The following CCDC85C variants were observed in gnomAD, a reference collection of about 807,000 sequenced individuals.
CCDC85C encodes the protein coiled-coil domain-containing protein 85C.
Under a neutral mutation model 38.3 loss-of-function variants are expected in CCDC85C, and 18 were observed. That is an observed-to-expected ratio of 0.47 (90% CI 0.33 to 0.70). The LOEUF is 0.70. Among genes scored for constraint, CCDC85C ranks in the 30% least tolerant of loss-of-function variants. The pLI is 0.03. For synonymous variants in CCDC85C, 264 were observed against 293.8 expected (o/e 0.90, Z 1.04); for missense variants, 566 against 621.2 (o/e 0.91, Z 0.94).
chr14:99,591,736 T>TTC (rs1566784767), intron 1 of CCDC85C, among the ~76,000 whole-genome samples: 1 of 142,484 alleles, frequency 7.0e-6, no homozygotes, highest in African/African-American at 2.5e-5. Flanking sequence ...TTTCTTTTCT[T>TTC]TTTTTTTTTT....
At chr14:99,561,442 T>G (rs1239211398) in intron 1 of CCDC85C, among the ~76,000 whole-genome samples, 1 of 152,122 alleles carries the variant, frequency 6.6e-6, no homozygotes, top group Non-Finnish European at 1.5e-5. Flanking sequence ...CCAGCCATCC[T>G]CCACGGCAGC....
intron 3 of CCDC85C, among the ~76,000 whole-genome samples, 161 bp downstream of exon 3, chr14:99,521,972 C>T (rs574364262): frequency 3.3e-5 from 5 of 152,364 alleles, no homozygotes; most frequent in East Asian, 3.9e-4. Flanking sequence ...CCTGGGGCTC[C>T]GCCTCTAACT....
chr14:99,583,904 G>C (rs985166181), intron 1 of CCDC85C, among the ~76,000 whole-genome samples: 2 of 151,934 alleles, frequency 1.3e-5, no homozygotes, highest in Non-Finnish European at 2.9e-5. Flanking sequence ...GTGTGTAACA[G>C]GCGGGTACAA....
chr14:99,562,577 C>T (rs1015540905), intron 1 of CCDC85C, among the ~76,000 whole-genome samples: 23 of 152,176 alleles, frequency 1.5e-4, no homozygotes, highest in African/African-American at 5.3e-4. Context: ...AGGCGATATC[C>T]GAAACCTGCC....
At position 99,533,968 on chromosome 14, in the gene CCDC85C, G is replaced by A. The variant is rs934041759; in HGVS notation, c.867+2047C>T. 6.6e-6 allele frequency among the ~76,000 whole-genome samples: 1 copy of A among 152,236 alleles called. No individual in the cohort carries two copies. Among genetic ancestry groups the A allele is most frequent in the Non-Finnish European group, 1.5e-5 (1 of 68,034 alleles). ...TTTTTCCAGTGGGACACTGTGGCCT[G>A]CAGGGGCCAAGGGATCAGGGACACT... On this transcript the variant is annotated intron_variant, in intron 2 of 5. Coordinates refer to ENST00000380243, the MANE Select transcript of CCDC85C (RefSeq NM_001144995.2). This position sits in a 1 kb window ranked among gnomAD's most constrained non-coding sequence, Gnocchi z 4.2.
In CCDC85C at chr14:99,503,993, G is replaced by A; in HGVS notation, c.*11253C>T. On this transcript the variant is annotated 3_prime_UTR_variant, in exon 6 of 6. Transcript: ENST00000380243. ...GCAGGAGTCCTCTCCCAAGCACCAAGCCACAGCAGATGCGGGGGGGCAGTA... is the reference window on the plus strand; with the variant it reads ...GCAGGAGTCCTCTCCCAAGCACCAAACCACAGCAGATGCGGGGGGGCAGTA... The A allele has an allele frequency of 5.5e-6, 2 of 361,914 alleles. No individual in the cohort carries two copies. The highest frequency in any genetic ancestry group is 4.4e-5 in the South Asian group (2 of 45,822). The allele number at this position is 361,914 out of a possible 1,614,324, so 22.4% of individuals were successfully genotyped here. A position where few individuals can be genotyped will look rare whatever the true frequency, so the allele number is the denominator to read the frequency against.
At chr14:99,585,909 G>A (rs4905860) in intron 1 of CCDC85C, among the ~76,000 whole-genome samples, 1,952 of 152,294 alleles carry the variant, frequency 0.013, 50 homozygotes, top group African/African-American at 0.044. Flanking sequence ...GACCTTAGGC[G>A]TAAAGCTAGA....
rs77590423 is a variant in CCDC85C at position 99,569,073 on chromosome 14, G to A, written c.794-32985C>T. 0.019 allele frequency among the ~76,000 whole-genome samples: 2,871 copies of A among 152,238 alleles called. 89 individuals are homozygous for A. Among genetic ancestry groups the A allele is most frequent in the African/African-American group, 0.066 (2,733 of 41,530 alleles). ...ACTGCAGACAGAGGCAGCTCAAAGA[G>A]GGGACATCAAATCCCCACTCCTGGC... On this transcript the variant is annotated intron_variant, in intron 1 of 5. Coordinates refer to ENST00000380243, the MANE Select transcript of CCDC85C (RefSeq NM_001144995.2). The surrounding 1 kb of genome is among the most constrained non-coding windows in gnomAD (Gnocchi z 4.3).
intron 1 of CCDC85C, chr14:99,573,001 T>C: frequency 2.7e-6 from 1 of 367,934 alleles, no homozygotes; most frequent in Non-Finnish European, 5.4e-6. Context: ...GGCACCCTGG[T>C]GACCGCAGGA....
At position 99,588,339 on chromosome 14, in the gene CCDC85C, G is replaced by A. The variant is rs1035429378; in HGVS notation, c.793+14828C>T. On this transcript the variant is annotated intron_variant, in intron 1 of 5. Coordinates refer to ENST00000380243, the MANE Select transcript of CCDC85C (RefSeq NM_001144995.2). The surrounding 1 kb of genome is among the most constrained non-coding windows in gnomAD (Gnocchi z 5.0). The stretch of plus-strand genomic sequence containing the variant: ...GGCTTCAGCCAGGCCGGCCAGTCCT[G>A]TGCACAAACCACCTTCTCCTCACCC... Among the ~76,000 whole-genome samples, 2 of 152,020 alleles carry A rather than the reference G, an allele frequency of 1.3e-5. No individual in the cohort carries two copies. Among genetic ancestry groups the A allele is most frequent in the South Asian group, 4.1e-4 (2 of 4,820 alleles).
In CCDC85C at chr14:99,576,683, G is replaced by A. The variant is rs908566761; in HGVS notation, c.793+26484C>T. ...TGCCCTTTCCCACCAAACTTGGTAG[G>A]ATCCGGGCTCCTGACTAGGGCTGCC... On this transcript the variant is annotated intron_variant, in intron 1 of 5. Transcript: ENST00000380243. This position sits in a 1 kb window ranked among gnomAD's most constrained non-coding sequence, Gnocchi z 4.8. 1 of 152,218 alleles carries A rather than the reference G, an allele frequency of 6.6e-6. No homozygotes were observed. The highest frequency in any genetic ancestry group is 2.4e-5 in the African/African-American group (1 of 41,448). The allele number at this position is 152,218 out of a possible 1,614,324, so 9.4% of individuals were successfully genotyped here.
At position 99,503,015 on chromosome 14, in the gene CCDC85C, G is replaced by T. The variant is rs374411620; in HGVS notation, c.*12231C>A. On this transcript the variant is annotated 3_prime_UTR_variant, in exon 6 of 6. Transcript: ENST00000380243. ...TGGGCTAAAGCAGGCCCTGGGTAGA[G>T]CAGGCTTTCCAGGTGGCGGCAACAC... is the stretch of plus-strand genomic sequence containing the variant. The T allele has an allele frequency of 1.1e-5, 18 of 1,613,000 alleles. No individual in the cohort carries two copies. Among genetic ancestry groups the T allele is most frequent in the Non-Finnish European group, 1.4e-5 (17 of 1,179,214 alleles).
Position 99,510,169 on chromosome 14 carries a change from C to A in CCDC85C, c.*5077G>T. The A allele has an allele frequency of 6.3e-7, 1 of 1,597,378 alleles. No individual in the cohort carries two copies. On this transcript the variant is annotated 3_prime_UTR_variant, in exon 6 of 6. Coordinates refer to ENST00000380243, the MANE Select transcript of CCDC85C (RefSeq NM_001144995.2). ...CTCTCTCCTGCAGACCGGAAGCCTC[C>A]CCTCGCTGCTGCCTTAGGTGAGGCT...
chr14:99,518,598 G>A (rs1269313537), intron 3 of CCDC85C, among the ~76,000 whole-genome samples: 2 of 152,176 alleles, frequency 1.3e-5, no homozygotes, highest in East Asian at 3.9e-4. Flanking sequence ...CAGACAGCAG[G>A]GGGCGCCAGT....
At chr14:99,517,602 C>G (rs759074442) in intron 3 of CCDC85C, among the ~76,000 whole-genome samples, 20 of 152,316 alleles carry the variant, frequency 1.3e-4, no homozygotes, top group Non-Finnish European at 2.6e-4. Flanking sequence ...ACTCCCTTCC[C>G]CTGCCCACCC....
chr14:99,567,198 A>G (rs113668930), intron 1 of CCDC85C, among the ~76,000 whole-genome samples: 3,636 of 151,712 alleles, frequency 0.024, 154 homozygotes, highest in African/African-American at 0.083. Context: ...CAGTCACAGG[A>G]AGAGCAGGTT....
Position 99,603,185 on chromosome 14 carries a change from T to G in CCDC85C, c.775A>C (p.Ile259Leu), listed in dbSNP as rs1164554192. 7.1e-7 allele frequency: 1 copy of G among 1,409,014 alleles called. No homozygotes were observed. The highest frequency in any genetic ancestry group is 9.2e-7 in the Non-Finnish European group (1 of 1,083,078). The allele number at this position is 1,409,014 out of a possible 1,614,324, so 87.3% of individuals were successfully genotyped here. A position where few individuals can be genotyped will look rare whatever the true frequency, so the allele number is the denominator to read the frequency against. Residue 259 changes from isoleucine to leucine, a missense_variant, in exon 1 of 6, where the codon ATC (isoleucine) becomes CTC (leucine). Ile to Leu is a conservative substitution (Grantham distance 5, BLOSUM62 2). Coordinates refer to ENST00000380243, the MANE Select transcript of CCDC85C (RefSeq NM_001144995.2). This position sits in a 1 kb window ranked among gnomAD's most constrained non-coding sequence, Gnocchi z 7.5. The part of the protein sequence containing the change: ...DLSAPPHHRS[I>L]PNGLHDPSST... ...TCCTTACCGTGCAGGCCGTTGGGGA[T>G]GCTGCGGTGGTGCGGCGGCGCCGAC...
At chr14:99,552,424 G>A (rs1478955128) in intron 1 of CCDC85C, among the ~76,000 whole-genome samples, 1 of 152,248 alleles carries the variant, frequency 6.6e-6, no homozygotes, top group East Asian at 1.9e-4. Flanking sequence ...GCTTCAGAGA[G>A]AGCCTGGGCA....
chr14:99,571,482 A>G (rs1385110443), intron 1 of CCDC85C, among the ~76,000 whole-genome samples: 1 of 152,206 alleles, frequency 6.6e-6, no homozygotes, highest in African/African-American at 2.4e-5. Context: ...GCCCCACTGG[A>G]AGGCTGAGAC....
Sources: gnomAD v4.1 joint callset for allele counts (sites outside exome capture counted in the v4.1 genomes callset) on GRCh38, gnomAD v4.1.1 for gene constraint, Gnocchi (gnomAD v3.1) non-coding constraint, MANE v1.5 for transcripts, NCBI Gene and HGNC (gene_info 2026-07-23, HGNC 2026-07-21) for gene names.